The following PKD2L2 variants were observed in gnomAD, a reference collection of about 807,000 sequenced individuals.
PKD2L2 encodes the protein polycystin-2-like protein 2.
In PKD2L2, 67 loss-of-function variants were observed where a neutral mutation model predicts 83.9. The ratio of observed to expected loss-of-function variants is 0.80; its 90% CI spans 0.66 to 0.98. The LOEUF (loss-of-function observed/expected upper bound fraction) is 0.98, where lower values mean the gene tolerates loss of function less well. Among genes scored for constraint, PKD2L2 ranks in the 50% least tolerant of loss-of-function variants. PKD2L2 has a pLI of 0.00. For missense variants in PKD2L2, 632 were observed against 717.2 expected (o/e 0.88, Z 1.36); for synonymous variants, 223 against 237.8 (o/e 0.94, Z 0.57).
intron 4 of PKD2L2, among the ~76,000 whole-genome samples, chr5:137,897,211 C>T (rs1206966912): frequency 6.6e-6 from 1 of 151,840 alleles, no homozygotes; most frequent in Non-Finnish European, 1.5e-5. Context: ...CACATGCCAC[C>T]ACACCCAGAT....
chr5:137,938,066 A>G (rs772347079), intron 14 of PKD2L2: 3 of 152,186 alleles, frequency 2.0e-5, no homozygotes, highest in Non-Finnish European at 4.4e-5. Flanking sequence ...ATTTGTATAT[A>G]GATATACAGT....
At chr5:137,901,051 G>A (rs1211712222) in intron 5 of PKD2L2, among the ~76,000 whole-genome samples, 11 of 151,846 alleles carry the variant, frequency 7.2e-5, no homozygotes, top group African/African-American at 1.7e-4. Flanking sequence ...TGGGAGAATC[G>A]CTTGAACCTG....
chr5:137,939,080 TAA>T (rs1760939096), intron 14 of PKD2L2: 1 of 152,052 alleles, frequency 6.6e-6, no homozygotes, highest in South Asian at 2.1e-4. Flanking sequence ...AAAGATATGC[TAA>T]GAGTATATGA....
intron 8 of PKD2L2, among the ~76,000 whole-genome samples, chr5:137,917,226 G>A (rs533991462): frequency 2.1e-5 from 3 of 145,256 alleles, no homozygotes; most frequent in South Asian, 4.4e-4. Context: ...GTGCAGTGGT[G>A]GGATCTTAGC....
intron 6 of PKD2L2, among the ~76,000 whole-genome samples, chr5:137,907,400 T>C (rs1377169006): frequency 1.3e-5 from 2 of 152,224 alleles, no homozygotes; most frequent in South Asian, 2.1e-4. Flanking sequence ...TGTTACACGG[T>C]AGAAAATGTT....
intron 12 of PKD2L2, 125 bp from the exon 13 acceptor site, chr5:137,935,672 G>A: frequency 1.6e-6 from 1 of 608,228 alleles, no homozygotes; most frequent in East Asian, 2.8e-5. Context: ...AAGTCAGCAG[G>A]GCTCAAAATC....
At chr5:137,901,567 C>A (rs922521374) in intron 5 of PKD2L2, among the ~76,000 whole-genome samples, 1 of 152,208 alleles carries the variant, frequency 6.6e-6, no homozygotes, top group Non-Finnish European at 1.5e-5. Context: ...GCTAACCCCC[C>A]TAACCTTGAA....
At chr5:137,917,730 G>GT (rs1682047658) in intron 8 of PKD2L2, among the ~76,000 whole-genome samples, 1 of 151,832 alleles carries the variant, frequency 6.6e-6, no homozygotes, top group Non-Finnish European at 1.5e-5. Context: ...TAAAGTCTTT[G>GT]TAGTAGGTCA....
At position 137,906,215 on chromosome 5, in the gene PKD2L2, A is replaced by G. The variant is rs1757353776; in HGVS notation, c.756A>G (p.Ala252=). The part of the protein sequence containing the change: ...VNLFCIIRLV[A]EFPATGGILT... ...AAACCTGATTTTACAGATTGGTGGC[A>G]GAATTCCCTGCAACTGGAGGAATAC... Residue 252 remains alanine, a synonymous_variant, in exon 6 of 15, where the codon GCA becomes GCG. Coordinates refer to ENST00000508883, the MANE Select transcript of PKD2L2 (RefSeq NM_001300921.2). 1 of 1,598,114 alleles carries G rather than the reference A, an allele frequency of 6.3e-7. No individual in the cohort carries two copies. The highest frequency in any genetic ancestry group is 1.3e-5 in the African/African-American group (1 of 74,322).
At chr5:137,924,436 CTATTCTTCAAAAAGTGGAAT>C (rs1759199336) in intron 10 of PKD2L2, among the ~76,000 whole-genome samples, 1 of 11,862 alleles carries the variant, frequency 8.4e-5, no homozygotes, top group South Asian at 0.01. Context: ...TGCTACCATT[CTATTCTTCAAAAAGTGGAAT>C]CTGTCCTGTC....
chr5:137,917,749 T>A (rs766091443), intron 8 of PKD2L2, among the ~76,000 whole-genome samples: 1 of 152,236 alleles, frequency 6.6e-6, no homozygotes, highest in Non-Finnish European at 1.5e-5. Context: ...CACCATCTGG[T>A]CTTTCTCAGA....
chr5:137,936,001 C>T (rs1394887483), intron 13 of PKD2L2, 92 bp downstream of exon 13: 1 of 770,390 alleles, frequency 1.3e-6, no homozygotes, highest in African/African-American at 1.7e-5. Context: ...GAACCCAAAA[C>T]TTTACTCTAT....
At position 137,936,439 on chromosome 5, in the gene PKD2L2, T is replaced by C. The variant is rs775985701; in HGVS notation, c.*17+12T>C. 12 of 1,527,604 alleles carry C rather than the reference T, an allele frequency of 7.9e-6. No individual in the cohort carries two copies. The highest frequency in any genetic ancestry group is 1.0e-5 in the Non-Finnish European group (12 of 1,143,330). 94.6% of individuals were successfully genotyped at this position (1,527,604 alleles called of 1,614,324 possible). ...TGAGACAAGTGGAGGTAAGAATCTG[T>C]GATGCAATCATTGAGCATTTCTTTT... On this transcript the variant is annotated intron_variant, in intron 14 of 14. Coordinates refer to ENST00000508883, the MANE Select transcript of PKD2L2 (RefSeq NM_001300921.2).
intron 11 of PKD2L2, 61 bp downstream of exon 11, chr5:137,925,165 C>A (rs544747301): frequency 1.3e-5 from 13 of 1,025,816 alleles, no homozygotes; most frequent in East Asian, 1.2e-4. Context: ...TATATGAGAA[C>A]CTTATAAGGT....
At chr5:137,896,313 CTT>C (rs763386131) in intron 4 of PKD2L2, among the ~76,000 whole-genome samples, 73 of 152,266 alleles carry the variant, frequency 4.8e-4, no homozygotes, top group Middle Eastern at 3.4e-3. Flanking sequence ...ACTTTTAACT[CTT>C]TTATAGTTGT....
At chr5:137,901,861 T>A (rs1756986476) in intron 5 of PKD2L2, among the ~76,000 whole-genome samples, 1 of 152,162 alleles carries the variant, frequency 6.6e-6, no homozygotes, top group African/African-American at 2.4e-5. Context: ...GAAGATGCCA[T>A]CATCGTTATT....
chr5:137,890,773 C>A (rs1561670747), intron 2 of PKD2L2, among the ~76,000 whole-genome samples, 191 bp downstream of exon 2: 1 of 152,172 alleles, frequency 6.6e-6, no homozygotes, highest in Non-Finnish European at 1.5e-5. Context: ...ATTTTCAGTT[C>A]TTAAGGGGCA....
At chr5:137,921,561 G>T in intron 8 of PKD2L2, 75 bp from the exon 9 acceptor site, 1 of 886,720 alleles carries the variant, frequency 1.1e-6, no homozygotes, top group South Asian at 1.5e-5. Context: ...TCCTCTTAGA[G>T]ACATTAGTAA....
chr5:137,903,684 TA>T (rs371561623), intron 5 of PKD2L2, among the ~76,000 whole-genome samples: 5 of 152,226 alleles, frequency 3.3e-5, no homozygotes, highest in African/African-American at 1.2e-4. Flanking sequence ...TGTTCCTAAA[TA>T]AATTTTGAAA....
Sources: allele counts gnomAD v4.1 joint callset (sites outside exome capture counted in the v4.1 genomes callset), GRCh38; gene constraint gnomAD v4.1.1; transcripts MANE v1.5; gene names NCBI Gene and HGNC (gene_info 2026-07-23, HGNC 2026-07-21).